The following CEP350 variants were observed in gnomAD, a reference collection of about 807,000 sequenced individuals.
CEP350 encodes centrosome-associated protein 350.
In CEP350, 126 loss-of-function variants were observed where a neutral mutation model predicts 331.8. The observed-to-expected ratio is 0.38, with a 90% confidence interval of 0.33 to 0.44. CEP350 has a LOEUF of 0.44. Ranked by LOEUF, CEP350 falls within the 20% of genes least tolerant of loss-of-function variation. The pLI is 1.00. For synonymous variants in CEP350, 1,200 were observed against 1,259.5 expected, an observed-to-expected ratio of 0.95 and a Z score of 1.00; for missense variants, 3,406 against 3,634.6, an observed-to-expected ratio of 0.94 and a Z score of 1.62.
chr1:180,077,671 T>TAAAAAA (rs3067269), intron 28 of CEP350, among the ~76,000 whole-genome samples: 12 of 97,226 alleles, frequency 1.2e-4, no homozygotes, highest in East Asian at 3.2e-4. Flanking sequence ...TCTCAAAAAG[T>TAAAAAA]AAAAAAAAAA....
chr1:180,034,231 T>C, intron 16 of CEP350, 149 bp downstream of exon 16: 1 of 1,102,760 alleles, frequency 9.1e-7, no homozygotes, highest in South Asian at 1.7e-5. Flanking sequence ...CTGCAAGAAA[T>C]TAAATATTGA....
At chr1:180,058,691 T>A (rs1037211824) in intron 25 of CEP350, among the ~76,000 whole-genome samples, 1 of 152,208 alleles carries the variant, frequency 6.6e-6, no homozygotes, top group Non-Finnish European at 1.5e-5. Flanking sequence ...TATGAGTGAC[T>A]ACTTTTTCTT....
At position 179,974,821 on chromosome 1, in the gene CEP350, C is replaced by G. The variant is rs563250555; in HGVS notation, c.-13-11348C>G. ...AGCCTGAGCAACAGGAGAGATCTGT[C>G]TCTTAAAAAAATAAGATAAATTCGT... On this transcript the variant is annotated intron_variant, in intron 1 of 37. Transcript: ENST00000367607. 7.5e-4 allele frequency among the ~76,000 whole-genome samples: 114 copies of G among 152,060 alleles called. 1 individual carries two copies. The highest frequency in any genetic ancestry group is 4.0e-4 in the Non-Finnish European group (27 of 67,950).
At chr1:180,056,717 C>T (rs1363600486) in intron 25 of CEP350, among the ~76,000 whole-genome samples, 1 of 152,068 alleles carries the variant, frequency 6.6e-6, no homozygotes, top group East Asian at 1.9e-4. Flanking sequence ...CCACGTTGGC[C>T]TCCCAGAGTA....
chr1:179,987,288 TA>T lies in CEP350; in HGVS notation c.120+4del. 1 of 1,525,448 alleles carries T rather than the reference TA, an allele frequency of 6.6e-7. No homozygotes were observed. Among genetic ancestry groups the T allele is most frequent in the Non-Finnish European group, 9.0e-7 (1 of 1,106,774 alleles). 94.5% of individuals were successfully genotyped at this position (1,525,448 alleles called of 1,614,324 possible). On this transcript the variant is annotated splice_donor_region_variant and intron_variant, in intron 3 of 37. Transcript: ENST00000367607. ...GCACTTTCTCAAACCAAGGCTGCTGTAAGTAGTTTTAGCTTCCATTTATTTA... is the reference window on the plus strand; with the variant it reads ...GCACTTTCTCAAACCAAGGCTGCTGTAGTAGTTTTAGCTTCCATTTATTTA...
intron 1 of CEP350, among the ~76,000 whole-genome samples, chr1:179,964,625 A>G (rs908953414): frequency 1.3e-5 from 2 of 152,044 alleles, no homozygotes; most frequent in Non-Finnish European, 2.9e-5. Context: ...GTGTGTTTCC[A>G]AGAATTTATC....
chr1:180,095,747 A>G lies in CEP350; in HGVS notation c.8736A>G (p.Thr2912=), dbSNP rs763356487. 2 of 1,614,028 alleles carry G rather than the reference A, an allele frequency of 1.2e-6. No homozygotes were observed. Among genetic ancestry groups the G allele is most frequent in the East Asian group, 2.2e-5 (1 of 44,888 alleles). The change falls in exon 35 of 38, where the codon ACA becomes ACG. Residue 2912 remains threonine, a synonymous_variant. Coordinates refer to ENST00000367607, the MANE Select transcript of CEP350 (RefSeq NM_014810.5). ...PKRVTQQPCE[T]LLAVPHTAEE... ...GAGTAACCCAACAACCATGTGAAACATTATTGGCAGTCCCCCATACTGCAG... is the reference window on the plus strand; with the variant it reads ...GAGTAACCCAACAACCATGTGAAACGTTATTGGCAGTCCCCCATACTGCAG...
At chr1:180,005,679 T>C (rs1180495062) in intron 7 of CEP350, among the ~76,000 whole-genome samples, 1 of 152,212 alleles carries the variant, frequency 6.6e-6, no homozygotes, top group Non-Finnish European at 1.5e-5. Flanking sequence ...CTGAAATTCT[T>C]ACAGTGGCCT....
intron 15 of CEP350, among the ~76,000 whole-genome samples, 167 bp from the exon 16 acceptor site, chr1:180,033,695 A>T (rs1656172703): frequency 6.6e-6 from 1 of 152,214 alleles, no homozygotes; most frequent in South Asian, 2.1e-4. Context: ...AGGAATATTC[A>T]TAGTCATTCA....
At chr1:180,015,221 T>G (rs947342794) in intron 10 of CEP350, among the ~76,000 whole-genome samples, 122 of 145,218 alleles carry the variant, frequency 8.4e-4, no homozygotes, top group African/African-American at 3.3e-3. Context: ...TTTATTTATT[T>G]ATTTATTTAT....
intron 28 of CEP350, among the ~76,000 whole-genome samples, chr1:180,075,474 TACTG>T (rs1659161653): frequency 6.6e-6 from 1 of 151,980 alleles, no homozygotes; most frequent in Non-Finnish European, 1.5e-5. Context: ...TAGTCCTAGC[TACTG>T]AGGCAAGAGG....
chr1:179,965,948 G>C (rs1361495823), intron 1 of CEP350, among the ~76,000 whole-genome samples: 1 of 152,068 alleles, frequency 6.6e-6, no homozygotes, highest in Non-Finnish European at 1.5e-5. Flanking sequence ...TTTTAACCTA[G>C]CTACTATTTC....
chr1:179,978,561 A>C (rs1177226387), intron 1 of CEP350, among the ~76,000 whole-genome samples: 3 of 151,634 alleles, frequency 2.0e-5, no homozygotes, highest in Non-Finnish European at 2.9e-5. Context: ...CCCAGCCCCT[A>C]CTAACCTCTG....
chr1:179,981,164 A>G (rs1297467504), intron 1 of CEP350, among the ~76,000 whole-genome samples: 7 of 152,206 alleles, frequency 4.6e-5, no homozygotes, highest in Non-Finnish European at 1.0e-4. Flanking sequence ...TAAATATTTT[A>G]GAAATATGAA....
chr1:180,114,597 C>A lies in CEP350; in HGVS notation c.*3436C>A, dbSNP rs757562737. The A allele has an allele frequency of 6.6e-6, 1 of 152,616 alleles. No individual in the cohort carries two copies. Among genetic ancestry groups the A allele is most frequent in the Non-Finnish European group, 1.5e-5 (1 of 68,036 alleles). The allele number at this position is 152,616 out of a possible 1,614,324, so 9.5% of individuals were successfully genotyped here. A position where few individuals can be genotyped will look rare whatever the true frequency, so the allele number is the denominator to read the frequency against. ...CTTGGCAAACACATTGCAAAGCATT[C>A]TCTGGGAGGTTCAGCCTCCTTGTGT... is the stretch of plus-strand genomic sequence containing the variant. On this transcript the variant is annotated 3_prime_UTR_variant, in exon 38 of 38. Coordinates refer to ENST00000367607, the MANE Select transcript of CEP350 (RefSeq NM_014810.5).
intron 22 of CEP350, among the ~76,000 whole-genome samples, chr1:180,050,792 A>G (rs4256775): frequency 0.43 from 65,536 of 151,968 alleles, 15,971 homozygotes; most frequent in African/African-American, 0.67. Flanking sequence ...GCACATAGAC[A>G]CAGGAAAAAG....
chr1:179,997,697 A>G (rs577387618), intron 6 of CEP350, among the ~76,000 whole-genome samples: 5 of 152,240 alleles, frequency 3.3e-5, no homozygotes, highest in Non-Finnish European at 5.9e-5. Context: ...GAGAACCACT[A>G]TATGAACATT....
chr1:179,995,015 A>G (rs575214727), intron 5 of CEP350, among the ~76,000 whole-genome samples: 2 of 152,308 alleles, frequency 1.3e-5, no homozygotes, highest in African/African-American at 2.4e-5. Context: ...TGAGCCACAC[A>G]TGTAATTTCA....
chr1:180,104,633 C>G (rs1158143874), intron 37 of CEP350, among the ~76,000 whole-genome samples: 1 of 152,136 alleles, frequency 6.6e-6, no homozygotes, highest in Non-Finnish European at 1.5e-5. Context: ...GGTGAGTTCT[C>G]TCACCTCTCT....
Sources: gnomAD v4.1 joint callset for allele counts (sites outside exome capture counted in the v4.1 genomes callset) on GRCh38, gnomAD v4.1.1 for gene constraint, MANE v1.5 for transcripts, NCBI Gene and HGNC (gene_info 2026-07-23, HGNC 2026-07-21) for gene names.